The following CAST variants were observed in gnomAD, a reference collection of about 807,000 sequenced individuals.
The protein encoded by CAST is calpastatin.
In CAST, 76 loss-of-function variants were observed where a neutral mutation model predicts 119.6. The observed-to-expected ratio is 0.64, with a 90% CI of 0.53 to 0.77. CAST has a LOEUF of 0.77. Among genes scored for constraint, CAST ranks in the 30% least tolerant of loss-of-function variants. CAST has a pLI of 0.00. For missense variants in CAST, 953 were observed against 946.5 expected, an observed-to-expected ratio of 1.01 and a Z score of -0.09; for synonymous variants, 319 against 331.6, an observed-to-expected ratio of 0.96 and a Z score of 0.41.
intron 1 of CAST, among the ~76,000 whole-genome samples, chr5:96,626,128 T>C (rs1747717854): frequency 6.6e-6 from 1 of 152,114 alleles, no homozygotes. Context: ...GCTTCTCCAA[T>C]AAGGACTGAT....
chr5:96,707,417 C>T (rs1280537882), intron 3 of CAST, among the ~76,000 whole-genome samples: 8 of 150,686 alleles, frequency 5.3e-5, no homozygotes, highest in Admixed American at 2.0e-4. Context: ...GACAGAGTCT[C>T]GCTCTGTTTC....
At chr5:95,966,455 G>A in the CAST span, among the ~76,000 whole-genome samples, 23 of 152,220 alleles carry the variant, frequency 1.5e-4, no homozygotes, top group African/African-American at 5.5e-4. Flanking sequence ...CACTTCCTGG[G>A]GCTGGCAGCC....
At chr5:96,640,677 C>T (rs529471422) in intron 1 of CAST, among the ~76,000 whole-genome samples, 3 of 152,272 alleles carry the variant, frequency 2.0e-5, no homozygotes, top group South Asian at 2.1e-4. Context: ...GACAACCCTG[C>T]GGGGAGTTAT....
At chr5:96,141,848 A>G in the CAST span, among the ~76,000 whole-genome samples, 7 of 152,196 alleles carry the variant, frequency 4.6e-5, no homozygotes, top group Non-Finnish European at 1.5e-5. Context: ...GACAGAGTGG[A>G]GGGGCGGCAT....
At chr5:96,517,712 T>C in the CAST span, among the ~76,000 whole-genome samples, 2 of 152,104 alleles carry the variant, frequency 1.3e-5, no homozygotes, top group Non-Finnish European at 2.9e-5. Context: ...GTTTAGAGGG[T>C]CAGGTGGGTG....
the CAST span, among the ~76,000 whole-genome samples, chr5:96,349,564 A>G: frequency 0.041 from 6,270 of 152,260 alleles, 377 homozygotes; most frequent in African/African-American, 0.14. Context: ...TACACTTATA[A>G]GGAAGAATAG....
chr5:96,417,090 T>C, the CAST span, among the ~76,000 whole-genome samples: 1 of 152,156 alleles, frequency 6.6e-6, no homozygotes, highest in African/African-American at 2.4e-5. Flanking sequence ...AGAGGAAGGG[T>C]TAGCTCGGAG....
chr5:96,101,906 C>T, the CAST span, among the ~76,000 whole-genome samples: 7 of 152,144 alleles, frequency 4.6e-5, no homozygotes, highest in Non-Finnish European at 1.5e-5. Flanking sequence ...CAGGTGTGAG[C>T]GAATGAGTGC....
At chr5:96,412,752 G>GATTTTTTTTTTTTTT in the CAST span, among the ~76,000 whole-genome samples, 1 of 71,832 alleles carries the variant, frequency 1.4e-5, no homozygotes, top group African/African-American at 9.0e-5. Flanking sequence ...CAGCTGTGAT[G>GATTTTTTTTTTTTTT]TTTTTTTTTT....
At chr5:95,986,606 A>G in the CAST span, among the ~76,000 whole-genome samples, 2 of 152,142 alleles carry the variant, frequency 1.3e-5, no homozygotes, top group Non-Finnish European at 2.9e-5. Flanking sequence ...CTTCTTACTT[A>G]ATCACTTTCA....
At chr5:96,594,723 A>G (rs951143861) in intron 1 of CAST, among the ~76,000 whole-genome samples, 1 of 152,350 alleles carries the variant, frequency 6.6e-6, no homozygotes, top group South Asian at 2.1e-4. Context: ...AGTAAATCCT[A>G]CAAATGATAT....
chr5:96,743,157 C>G, intron 16 of CAST, among the ~76,000 whole-genome samples: 1 of 152,128 alleles, frequency 6.6e-6, no homozygotes, highest in Non-Finnish European at 1.5e-5. Flanking sequence ...TCATTTATCA[C>G]TATGGGGAAA....
At chr5:96,172,342 C>A in the CAST span, among the ~76,000 whole-genome samples, 1 of 152,196 alleles carries the variant, frequency 6.6e-6, no homozygotes, top group Admixed American at 6.5e-5. Flanking sequence ...TGTGATTCTT[C>A]AGTTACTTCA....
At chr5:96,244,395 G>A in the CAST span, among the ~76,000 whole-genome samples, 1 of 152,066 alleles carries the variant, frequency 6.6e-6, no homozygotes, top group Non-Finnish European at 1.5e-5. Flanking sequence ...ATTGTTCTGG[G>A]AAATATGGTA....
the CAST span, among the ~76,000 whole-genome samples, chr5:96,372,595 C>T: frequency 6.6e-6 from 1 of 152,102 alleles, no homozygotes; most frequent in Non-Finnish European, 1.5e-5. Context: ...AAGCCTGATC[C>T]CAGAGTTGAG....
the CAST span, chr5:96,429,314 C>T: frequency 6.6e-7 from 1 of 1,523,564 alleles, no homozygotes; most frequent in African/African-American, 1.4e-5. Flanking sequence ...TCAAGTGAAC[C>T]AATCTATAAA....
exon 1 of CAST, chr5:96,529,845 G>C: frequency 2.3e-6 from 1 of 433,820 alleles, no homozygotes; most frequent in Non-Finnish European, 4.6e-6. Context: ...TGCCATGATT[G>C]TAAGTTTCCT....
At chr5:96,404,829 TA>T in the CAST span, among the ~76,000 whole-genome samples, 1 of 152,222 alleles carries the variant, frequency 6.6e-6, no homozygotes, top group Admixed American at 6.5e-5. Context: ...TAGGTGAAAT[TA>T]ATAATTTCTA....
intron 1 of CAST, among the ~76,000 whole-genome samples, chr5:96,568,333 A>G (rs2150186436): frequency 6.6e-6 from 1 of 152,186 alleles, no homozygotes; most frequent in Admixed American, 6.5e-5. Flanking sequence ...GGGAGGCCGA[A>G]GCAGGCAGAT....
Sources: gnomAD v4.1 joint callset for allele counts (sites outside exome capture counted in the v4.1 genomes callset) on GRCh38, gnomAD v4.1.1 for gene constraint, MANE v1.5 for transcripts, NCBI Gene and HGNC (gene_info 2026-07-23, HGNC 2026-07-21) for gene names.